Variants in FLT3LG observed in about 807,000 individuals in gnomAD.
The protein encoded by FLT3LG is fms-related tyrosine kinase 3 ligand.
Under a neutral mutation model 30.9 loss-of-function variants are expected in FLT3LG, and 8 were observed. The observed-to-expected ratio is 0.26, with a 90% CI of 0.15 to 0.47. The LOEUF is 0.47. FLT3LG is among the 20% of genes least tolerant of loss of function. The probability of loss-of-function intolerance (pLI) is 0.99; values close to 1 mark genes in which losing one functional copy is unlikely to be tolerated. For synonymous variants in FLT3LG, 123 were observed against 135.9 expected, an observed-to-expected ratio of 0.91 and a Z score of 0.66; for missense variants, 278 against 306.2, an observed-to-expected ratio of 0.91 and a Z score of 0.69.
intron 8 of FLT3LG, among the ~76,000 whole-genome samples, chr19:49,483,096 C>A (rs929640846): frequency 6.6e-6 from 1 of 151,982 alleles, no homozygotes; most frequent in African/African-American, 2.4e-5. Flanking sequence ...TCATACTAAG[C>A]CTTCAGCATC....
chr19:49,479,085 G>A, intron 6 of FLT3LG, 38 bp downstream of exon 6: 1 of 1,578,462 alleles, frequency 6.3e-7, no homozygotes, highest in South Asian at 1.2e-5. Flanking sequence ...TTCCCCTCCT[G>A]TCCTCACGGC....
intron 8 of FLT3LG, among the ~76,000 whole-genome samples, chr19:49,482,662 T>C (rs2079653614): frequency 6.6e-6 from 1 of 151,120 alleles, no homozygotes; most frequent in African/African-American, 2.4e-5. Context: ...GGAGTCTCAC[T>C]CTGTCGCCAG....
intron 6 of FLT3LG, among the ~76,000 whole-genome samples, chr19:49,479,908 G>T (rs115684259): frequency 6.6e-6 from 1 of 151,824 alleles, no homozygotes; most frequent in African/African-American, 2.4e-5. Flanking sequence ...GGGTTCAAGC[G>T]AATCTTCTGC....
chr19:49,485,121 A>G (rs1352643800), intron 8 of FLT3LG, among the ~76,000 whole-genome samples: 1 of 151,996 alleles, frequency 6.6e-6, no homozygotes, highest in African/African-American at 2.4e-5. Context: ...CCTGGACTCA[A>G]GTGATCCTCC....
intron 1 of FLT3LG, 81 bp downstream of exon 1, chr19:49,474,362 G>A (rs1337423803): frequency 1.9e-5 from 11 of 573,074 alleles, no homozygotes; most frequent in Non-Finnish European, 2.2e-5. Flanking sequence ...AGCAGAGGGT[G>A]GGGGGCTGGG....
intron 8 of FLT3LG, chr19:49,482,060 A>G (rs1174050449): frequency 6.6e-6 from 1 of 152,108 alleles, no homozygotes; most frequent in African/African-American, 2.4e-5. Context: ...CCCAAGGCAT[A>G]GAGAGGTAAA....
intron 2 of FLT3LG, among the ~76,000 whole-genome samples, chr19:49,475,407 C>CGT (rs1306398446): frequency 7.4e-6 from 1 of 136,038 alleles, no homozygotes; most frequent in Non-Finnish European, 1.5e-5. Context: ...GGAAACCAGA[C>CGT]GTGAAGATGA....
Position 49,480,328 on chromosome 19 carries a change from C to A in FLT3LG, c.512C>A (p.Pro171His). ...TCAACCCTGCCACCCCCATGGAGTCCCCGGCCCCTGGAGGCCACAGCCCCG... is the reference window on the plus strand; with the variant it reads ...TCAACCCTGCCACCCCCATGGAGTCACCGGCCCCTGGAGGCCACAGCCCCG... ...DSSTLPPPWS[P>H]RPLEATAPTA... Residue 171 changes from proline (P) to histidine (H), a missense_variant, in exon 7 of 9, where the codon CCC (proline) becomes CAC (histidine). Physicochemically the swap from Pro to His is moderately conservative, Grantham distance 77. Transcript: ENST00000597551. The A allele has an allele frequency of 1.2e-6, 2 of 1,608,618 alleles. No homozygotes were observed. Among genetic ancestry groups the A allele is most frequent in the Non-Finnish European group, 1.7e-6 (2 of 1,177,214 alleles).
intron 2 of FLT3LG, 107 bp from the exon 3 acceptor site, chr19:49,475,584 C>T: frequency 7.1e-7 from 1 of 1,405,756 alleles, no homozygotes; most frequent in Non-Finnish European, 9.5e-7. Flanking sequence ...AGAAGGACAC[C>T]CAGGGAAGGA....
intron 6 of FLT3LG, 32 bp from the exon 7 acceptor site, chr19:49,480,263 TCTC>T: frequency 4.0e-6 from 6 of 1,495,404 alleles, no homozygotes; most frequent in Non-Finnish European, 5.5e-6. Context: ...CCCCAGCCCT[TCTC>T]CTTGGTCACC....
At chr19:49,485,009 C>A (rs1490938635) in intron 8 of FLT3LG, among the ~76,000 whole-genome samples, 3 of 151,394 alleles carry the variant, frequency 2.0e-5, no homozygotes, top group African/African-American at 7.3e-5. Flanking sequence ...ATGGCTTGAA[C>A]CCGGGAGGCA....
chr19:49,476,533 G>A lies in FLT3LG; in HGVS notation c.309G>A (p.Thr103=), dbSNP rs758534099. Residue 103 remains threonine, a synonymous_variant, in exon 5 of 9, where the codon ACG becomes ACA. Coordinates refer to ENST00000597551, the MANE Select transcript of FLT3LG (RefSeq NM_001459.4). This position sits in a 1 kb window ranked among gnomAD's most constrained non-coding sequence, Gnocchi z 5.3. ...KMQGLLERVN[T]EIHFVTKCAF... ...AAGGCTTGCTGGAGCGCGTGAACAC[G>A]GAGATACACTTTGTCACCAAATGTG... is the stretch of plus-strand genomic sequence containing the variant. 10 of 1,614,048 alleles carry A rather than the reference G, an allele frequency of 6.2e-6. No individual in the cohort carries two copies. The highest frequency in any genetic ancestry group is 2.2e-5 in the East Asian group (1 of 44,896).
chr19:49,475,607 A>G lies in FLT3LG; in HGVS notation c.34-84A>G, dbSNP rs1389957554. On this transcript the variant is annotated intron_variant, in intron 2 of 8. Transcript: ENST00000597551. Reference sequence around the variant, plus strand: ...ACCCAGGGAAGGAGGAGCGGGGAAGACAGAACAGTACAGGTGGGAAGCCCG... The same window carrying G: ...ACCCAGGGAAGGAGGAGCGGGGAAGGCAGAACAGTACAGGTGGGAAGCCCG... The G allele has an allele frequency of 2.6e-6, 4 of 1,514,044 alleles. No individual in the cohort carries two copies. In the African/African-American group the frequency reaches 5.5e-5, roughly 21 times the overall value. 93.8% of individuals were successfully genotyped at this position (1,514,044 alleles called of 1,614,324 possible).
chr19:49,479,663 G>A (rs892157027), intron 6 of FLT3LG: 2 of 207,654 alleles, frequency 9.6e-6, no homozygotes, highest in South Asian at 4.0e-5. Context: ...CACCTCACGC[G>A]GCTAATTTTT....
In FLT3LG at chr19:49,480,539, T is replaced by A. The variant is rs768478158; in HGVS notation, c.661-13T>A. The A allele has an allele frequency of 1.2e-6, 2 of 1,612,324 alleles. No homozygotes were observed. The highest frequency in any genetic ancestry group is 2.2e-5 in the East Asian group (1 of 44,808). On this transcript the variant is annotated splice_polypyrimidine_tract_variant and intron_variant, in intron 7 of 8. Coordinates refer to ENST00000597551, the MANE Select transcript of FLT3LG (RefSeq NM_001459.4). ...GGGTGGCCCACTTGTGGCTGACACT[T>A]TGGGGCCCACAGGTGCCCCCCGTCC...
intron 8 of FLT3LG, among the ~76,000 whole-genome samples, chr19:49,482,919 G>A (rs190338939): frequency 4.8e-4 from 73 of 151,960 alleles, no homozygotes; most frequent in African/African-American, 1.4e-3. Flanking sequence ...GAGCCACCGC[G>A]CCCGGGGTCA....
intron 8 of FLT3LG, chr19:49,482,063 G>A (rs948762563): frequency 1.3e-5 from 2 of 151,978 alleles, no homozygotes; most frequent in African/African-American, 4.8e-5. Flanking sequence ...AAGGCATAGA[G>A]AGGTAAATAA....
rs577849703 is a variant in FLT3LG, at chr19:49,476,334, C to T, written c.199-89C>T. ...AGTCCTCAGCCCCTCCTCCCTCAGA[C>T]CCAGGAGCCCCGGCCCAGCCCCTCC... On this transcript the variant is annotated intron_variant, in intron 4 of 8. Coordinates refer to ENST00000597551, the MANE Select transcript of FLT3LG (RefSeq NM_001459.4). This position sits in a 1 kb window ranked among gnomAD's most constrained non-coding sequence, Gnocchi z 5.3. 7.8e-5 allele frequency: 117 copies of T among 1,503,792 alleles called. No individual in the cohort carries two copies. In the South Asian group the frequency reaches 8.7e-4, roughly 11 times the overall value. 93.2% of individuals were successfully genotyped at this position (1,503,792 alleles called of 1,614,324 possible).
In FLT3LG at chr19:49,474,627, G is replaced by A. The variant is rs752419761; in HGVS notation, c.-13G>A. The A allele has an allele frequency of 1.2e-6, 2 of 1,612,536 alleles. No individual in the cohort carries two copies. Among genetic ancestry groups the A allele is most frequent in the Non-Finnish European group, 1.7e-6 (2 of 1,179,642 alleles). On this transcript the variant is annotated 5_prime_UTR_variant, in exon 2 of 9. Coordinates refer to ENST00000597551, the MANE Select transcript of FLT3LG (RefSeq NM_001459.4). ...GACCCGGCGACAGGAGGCATGAGGG[G>A]CCCCCGGCCGAAATGACAGTGCTGG...
Sources: gnomAD v4.1 joint callset for allele counts (sites outside exome capture counted in the v4.1 genomes callset) on GRCh38, gnomAD v4.1.1 for gene constraint, Gnocchi (gnomAD v3.1) non-coding constraint, MANE v1.5 for transcripts, NCBI Gene and HGNC (gene_info 2026-07-23, HGNC 2026-07-21) for gene names.